Variants in WNT9B observed in about 807,000 individuals in gnomAD.
WNT9B encodes the protein Wnt family member 9B.
A neutral mutation model predicts 30.2 loss-of-function variants in WNT9B; 12 were observed. That is an observed-to-expected ratio of 0.40 (90% confidence interval 0.26 to 0.64). The LOEUF (loss-of-function observed/expected upper bound fraction) is 0.64. WNT9B is among the 30% of genes least tolerant of loss of function. The probability of loss-of-function intolerance (pLI) is 0.42; values close to 1 mark genes in which losing one functional copy is unlikely to be tolerated. For missense variants in WNT9B, 442 were observed against 485.2 expected (o/e 0.91, Z 0.84); for synonymous variants, 218 against 216.9 (o/e 1.01, Z -0.05).
intron 1 of WNT9B, among the ~76,000 whole-genome samples, chr17:46,864,039 C>T (rs9900798): frequency 0.019 from 2,958 of 152,314 alleles, 90 homozygotes; most frequent in African/African-American, 0.068. Flanking sequence ...GCACTGTCCT[C>T]ATCATTGAGG....
Position 46,872,704 on chromosome 17 carries a change from T to A in WNT9B, c.265T>A (p.Cys89Ser). Residue 89 changes from cysteine to serine, a missense_variant, in exon 2 of 4, where the codon TGC becomes AGC. Physicochemically the swap from Cys to Ser is moderately radical, Grantham distance 112. Coordinates refer to ENST00000290015, the MANE Select transcript of WNT9B (RefSeq NM_003396.3). ...RDAAHLGLLE[C>S]QFQFRHERWN... ...TGCTGCGCACCTCGGCCTGCTTGAG[T>A]GCCAGTTTCAGTTCCGGCATGAGCG... 1 of 1,611,752 alleles carries A rather than the reference T, an allele frequency of 6.2e-7. No homozygotes were observed. Among genetic ancestry groups the A allele is most frequent in the South Asian group, 1.1e-5 (1 of 90,948 alleles).
intron 1 of WNT9B, among the ~76,000 whole-genome samples, chr17:46,867,368 C>A (rs1471866689): frequency 6.6e-6 from 1 of 152,346 alleles, no homozygotes; most frequent in East Asian, 1.9e-4. Flanking sequence ...TGAACCCAGG[C>A]AGTCTGGCTC....
chr17:46,867,704 T>G (rs928674430), intron 1 of WNT9B, among the ~76,000 whole-genome samples: 1 of 150,854 alleles, frequency 6.6e-6, no homozygotes. Context: ...GGGTGGGGTG[T>G]GTGTTGGAGA....
intron 1 of WNT9B, among the ~76,000 whole-genome samples, chr17:46,844,108 A>G (rs2084745701): frequency 6.7e-6 from 1 of 149,868 alleles, no homozygotes; most frequent in Non-Finnish European, 1.5e-5. Context: ...CATGTGCCAC[A>G]ATGCCTGGCT....
chr17:46,846,902 G>A (rs1000541554), upstream of WNT9B, among the ~76,000 whole-genome samples: 4 of 152,102 alleles, frequency 2.6e-5, no homozygotes, highest in African/African-American at 7.2e-5. Context: ...GGCCCTTCCC[G>A]CAGAAGGACA....
At position 46,872,589 on chromosome 17, in the gene WNT9B, C is replaced by G; in HGVS notation, c.150C>G (p.Ala50=). ...CGGCAGCCCCGGCACAGGGCGGGGC[C>G]CACCTGAAGCAGTGTGACCTGCTGA... is the stretch of plus-strand genomic sequence containing the variant. ...GTAAAPAQGG[A]HLKQCDLLKL... Residue 50 remains alanine (A), a synonymous_variant, in exon 2 of 4, where the codon GCC becomes GCG. Transcript: ENST00000290015. 2 of 1,610,594 alleles carry G rather than the reference C, an allele frequency of 1.2e-6. No homozygotes were observed. Among genetic ancestry groups the G allele is most frequent in the Non-Finnish European group, 8.5e-7 (1 of 1,178,312 alleles).
At chr17:46,848,057 G>A (rs754818010), upstream of WNT9B, among the ~76,000 whole-genome samples, 7 of 152,094 alleles carry the variant, frequency 4.6e-5, no homozygotes, top group Admixed American at 1.3e-4. Flanking sequence ...GCTGCCTTGG[G>A]CTGGTTAATG....
chr17:46,848,932 G>GCGCACACACACA (rs112645397), upstream of WNT9B, among the ~76,000 whole-genome samples: 1 of 146,180 alleles, frequency 6.8e-6, no homozygotes, highest in East Asian at 1.9e-4. Flanking sequence ...GTGTGCACGT[G>GCGCACACACACA]CACACACACA....
intron 1 of WNT9B, among the ~76,000 whole-genome samples, chr17:46,870,286 C>G (rs1240060618): frequency 1.3e-5 from 2 of 152,180 alleles, no homozygotes; most frequent in African/African-American, 4.8e-5. Flanking sequence ...GTAGCTGCAG[C>G]CCCCAAGCTG....
Position 46,880,037 on chromosome 17 carries a change from C to A in WNT9B, c.*3319C>A, listed in dbSNP as rs1286901662. Among the ~76,000 whole-genome samples, 1 of 152,198 alleles carries A rather than the reference C, an allele frequency of 6.6e-6. No individual in the cohort carries two copies. The highest frequency in any genetic ancestry group is 1.5e-5 in the Non-Finnish European group (1 of 68,036). On this transcript the variant is annotated 3_prime_UTR_variant, in exon 4 of 4. Coordinates refer to ENST00000290015, the MANE Select transcript of WNT9B (RefSeq NM_003396.3). ...TTGCTTGTAAAAATGAATTGTTTTCCACTGGATTTCTGGCTGCTTTTGCAA... is the reference window on the plus strand; with the variant it reads ...TTGCTTGTAAAAATGAATTGTTTTCAACTGGATTTCTGGCTGCTTTTGCAA...
exon 5 of WNT9B, chr17:46,886,288 A>G (rs1439161117): frequency 1.3e-5 from 2 of 152,352 alleles, no homozygotes; most frequent in African/African-American, 4.8e-5. Flanking sequence ...GCATAAACCT[A>G]TATCAATTGG....
At chr17:46,854,973 T>A (rs556150557) in intron 1 of WNT9B, among the ~76,000 whole-genome samples, 1 of 152,314 alleles carries the variant, frequency 6.6e-6, no homozygotes, top group African/African-American at 2.4e-5. Flanking sequence ...CACTTTCTCA[T>A]ACAGCCATCT....
intron 1 of WNT9B, among the ~76,000 whole-genome samples, chr17:46,840,046 TTCTC>T (rs752519368): frequency 2.1e-3 from 309 of 148,572 alleles, no homozygotes; most frequent in Non-Finnish European, 3.6e-3. Context: ...CTTTCTTTCT[TTCTC>T]TCTCTCTCTT....
chr17:46,846,444 A>C (rs1048275875), intron 1 of WNT9B, among the ~76,000 whole-genome samples: 1 of 152,244 alleles, frequency 6.6e-6, no homozygotes, highest in African/African-American at 2.4e-5. Flanking sequence ...CAGTCTACAC[A>C]TAGCAGGGAT....
intron 1 of WNT9B, among the ~76,000 whole-genome samples, chr17:46,854,733 T>C (rs1002836110): frequency 6.6e-6 from 1 of 152,184 alleles, no homozygotes; most frequent in African/African-American, 2.4e-5. Context: ...TGATCTCGGC[T>C]CACTGCAACC....
chr17:46,876,107 G>A, intron 3 of WNT9B, 138 bp from the exon 4 acceptor site: 4 of 781,522 alleles, frequency 5.1e-6, no homozygotes, highest in South Asian at 1.9e-5. Flanking sequence ...TCCAGGCCAA[G>A]GGGAGGAGCT....
intron 1 of WNT9B, among the ~76,000 whole-genome samples, chr17:46,852,101 C>T (rs887055528): frequency 1.3e-5 from 2 of 152,248 alleles, no homozygotes; most frequent in African/African-American, 4.8e-5. Context: ...CCCTGTCTGC[C>T]GCCATCCTGG....
chr17:46,886,674 G>A (rs757667996), exon 5 of WNT9B: 4 of 152,212 alleles, frequency 2.6e-5, no homozygotes, highest in Admixed American at 1.3e-4. Context: ...TGAATAAGCT[G>A]TGGTTCGGAG....
At chr17:46,870,755 G>A (rs562171738) in intron 1 of WNT9B, among the ~76,000 whole-genome samples, 8 of 152,306 alleles carry the variant, frequency 5.3e-5, no homozygotes, top group African/African-American at 1.4e-4. Context: ...AAAGAGGAGA[G>A]CTGTGCCCTT....
Sources: allele counts gnomAD v4.1 joint callset (sites outside exome capture counted in the v4.1 genomes callset), GRCh38; gene constraint gnomAD v4.1.1; transcripts MANE v1.5; gene names NCBI Gene and HGNC (gene_info 2026-07-23, HGNC 2026-07-21).